ALK: variants seen among roughly 807,000 people sequenced by gnomAD.
ALK encodes ALK receptor tyrosine kinase, also known as ALK tyrosine kinase receptor.
In ALK, 74 loss-of-function variants were observed where a neutral mutation model predicts 163.1. That is an observed-to-expected ratio of 0.45 (90% CI 0.38 to 0.55). The LOEUF is 0.55. Ranked by LOEUF, ALK falls within the 20% of genes least tolerant of loss-of-function variation. The pLI is 0.00. For missense variants in ALK, 2,063 were observed against 2,105.3 expected, an observed-to-expected ratio of 0.98 and a Z score of 0.39; for synonymous variants, 960 against 843.2, an observed-to-expected ratio of 1.14 and a Z score of -2.40.
At chr2:29,797,029 T>TAC (rs568655494) in intron 1 of ALK, among the ~76,000 whole-genome samples, 11 of 131,782 alleles carry the variant, frequency 8.3e-5, no homozygotes, top group Non-Finnish European at 1.7e-4. Context: ...CACACACACA[T>TAC]ACACACACAT....
intron 9 of ALK, among the ~76,000 whole-genome samples, chr2:29,284,529 T>C (rs10179070): frequency 0.05 from 7,597 of 152,232 alleles, 220 homozygotes; most frequent in South Asian, 0.091. Flanking sequence ...CTTGAGCAGA[T>C]TCGAACATCC....
chr2:29,754,888 ATAG>A (rs1680470252), intron 1 of ALK, among the ~76,000 whole-genome samples: 2 of 152,220 alleles, frequency 1.3e-5, no homozygotes, highest in South Asian at 4.2e-4. Flanking sequence ...CATTTGACAA[ATAG>A]TAGTATAGAA....
intron 3 of ALK, among the ~76,000 whole-genome samples, chr2:29,657,265 G>A (rs910005394): frequency 2.0e-5 from 3 of 152,086 alleles, no homozygotes; most frequent in Non-Finnish European, 2.9e-5. Context: ...CAGCTGTTGT[G>A]GATTAGAAAG....
intron 11 of ALK, among the ~76,000 whole-genome samples, chr2:29,252,889 A>G (rs58392946): frequency 0.014 from 2,061 of 151,632 alleles, 48 homozygotes; most frequent in African/African-American, 0.047. Flanking sequence ...TAGTGGTACA[A>G]TCATGGCTTC....
chr2:29,585,873 A>T (rs1015218289), intron 3 of ALK, among the ~76,000 whole-genome samples: 1 of 152,078 alleles, frequency 6.6e-6, no homozygotes, highest in East Asian at 1.9e-4. Context: ...TTATCCTAAG[A>T]TACATATGTA....
intron 1 of ALK, among the ~76,000 whole-genome samples, chr2:29,886,165 G>A (rs1332724215): frequency 6.6e-6 from 1 of 151,838 alleles, no homozygotes; most frequent in Non-Finnish European, 1.5e-5. Context: ...CTTTCCTCTG[G>A]CTTATTTTAT....
At chr2:29,731,906 G>C in intron 1 of ALK, among the ~76,000 whole-genome samples, 1 of 152,160 alleles carries the variant, frequency 6.6e-6, no homozygotes, top group East Asian at 1.9e-4. Context: ...GACCTGTAAA[G>C]GTGTTGTAGG....
chr2:29,813,181 C>T (rs1290033477), intron 1 of ALK, among the ~76,000 whole-genome samples: 1 of 152,166 alleles, frequency 6.6e-6, no homozygotes, highest in Admixed American at 6.5e-5. Flanking sequence ...CGACAGAGTA[C>T]AGCACATTCA....
intron 1 of ALK, among the ~76,000 whole-genome samples, chr2:29,897,107 G>A (rs1393955701): frequency 1.3e-5 from 2 of 152,160 alleles, no homozygotes; most frequent in African/African-American, 4.8e-5. Flanking sequence ...AACACTTGAG[G>A]TCAAGAGTTC....
chr2:29,240,024 G>A (rs890897397), intron 12 of ALK, among the ~76,000 whole-genome samples, 194 bp from the exon 13 acceptor site: 3 of 152,126 alleles, frequency 2.0e-5, no homozygotes, highest in African/African-American at 7.2e-5. Flanking sequence ...GAGGGACAGG[G>A]AGTTGCCTCA....
rs2148248345 is a variant in ALK at position 29,318,416 on chromosome 2, G to C, written c.1547-12C>G. ...CAATAGAGCATGGTCTAGGAGAGAGGAAAAGAATCACAAGCACGCCATTAT... is the reference window on the plus strand; with the variant it reads ...CAATAGAGCATGGTCTAGGAGAGAGCAAAAGAATCACAAGCACGCCATTAT... On this transcript the variant is annotated splice_polypyrimidine_tract_variant and intron_variant, in intron 7 of 28. Transcript: ENST00000389048. 3 of 1,590,142 alleles carry C rather than the reference G, an allele frequency of 1.9e-6. No individual in the cohort carries two copies. Among genetic ancestry groups the C allele is most frequent in the Non-Finnish European group, 2.6e-6 (3 of 1,158,168 alleles).
intron 1 of ALK, among the ~76,000 whole-genome samples, chr2:29,872,411 A>T (rs144876841): frequency 1.3e-5 from 2 of 152,350 alleles, no homozygotes; most frequent in African/African-American, 4.8e-5. Flanking sequence ...ATAAACCCAG[A>T]GTAATTGAAA....
chr2:29,770,913 TCA>T lies in ALK; in HGVS notation c.668-53218_668-53217del, dbSNP rs1194468920. On this transcript the variant is annotated intron_variant, in intron 1 of 28. Transcript: ENST00000389048. ...GCCACACACACAGTCTCACACACAG[TCA>T]CACACACGCAGTCACACACACATAG... 2.7e-5 allele frequency among the ~76,000 whole-genome samples: 4 copies of T among 149,232 alleles called. No individual in the cohort carries two copies. The East Asian group carries it at 7.9e-4, about 29-fold the overall frequency.
chr2:29,332,158 T>C (rs1272258807), intron 5 of ALK, among the ~76,000 whole-genome samples: 2 of 151,524 alleles, frequency 1.3e-5, no homozygotes, highest in East Asian at 2.0e-4. Flanking sequence ...TGATGGCACG[T>C]GCCTGTAGTC....
At chr2:29,248,010 T>A (rs1042084765) in intron 12 of ALK, among the ~76,000 whole-genome samples, 1 of 152,172 alleles carries the variant, frequency 6.6e-6, no homozygotes, top group Non-Finnish European at 1.5e-5. Context: ...TGGGGACATT[T>A]TGAAGTGGTC....
intron 3 of ALK, among the ~76,000 whole-genome samples, chr2:29,553,041 C>T (rs1209198481): frequency 6.6e-6 from 1 of 152,200 alleles, no homozygotes; most frequent in Non-Finnish European, 1.5e-5. Context: ...AAATTCTAAT[C>T]ATCCTTCCAG....
intron 1 of ALK, among the ~76,000 whole-genome samples, chr2:29,731,671 A>C (rs922532311): frequency 6.6e-6 from 1 of 152,238 alleles, no homozygotes; most frequent in Non-Finnish European, 1.5e-5. Flanking sequence ...CTCTGGATGG[A>C]AAATGAAAAT....
At chr2:29,431,442 A>T (rs1393946456) in intron 4 of ALK, among the ~76,000 whole-genome samples, 1 of 152,208 alleles carries the variant, frequency 6.6e-6, no homozygotes, top group Non-Finnish European at 1.5e-5. Context: ...ATTAAGTCCC[A>T]AATAAAAATC....
Position 29,727,912 on chromosome 2 carries a change from A to G in ALK, c.668-10215T>C, listed in dbSNP as rs1270173041. 2.0e-5 allele frequency among the ~76,000 whole-genome samples: 3 copies of G among 152,144 alleles called. No individual in the cohort carries two copies. In the East Asian group the frequency reaches 5.8e-4, roughly 29 times the overall value. ...ATTTATCTGTGTCTTCCTATCACAC[A>G]TGTGAGCAAGCTGAAACACAGGAAG... On this transcript the variant is annotated intron_variant, in intron 1 of 28. Coordinates refer to ENST00000389048, the MANE Select transcript of ALK (RefSeq NM_004304.5).
Sources: gnomAD v4.1 joint callset for allele counts (sites outside exome capture counted in the v4.1 genomes callset) on GRCh38, gnomAD v4.1.1 for gene constraint, MANE v1.5 for transcripts, NCBI Gene and HGNC (gene_info 2026-07-23, HGNC 2026-07-21) for gene names.